SLC25A21: variants seen among roughly 807,000 people sequenced by gnomAD.
SLC25A21 encodes the protein mitochondrial 2-oxodicarboxylate carrier.
In SLC25A21, 47 loss-of-function variants were observed where a neutral mutation model predicts 43.8. That is an observed-to-expected ratio of 1.07 (90% CI 0.85 to 1.37). SLC25A21 has a LOEUF of 1.37. Among genes scored for constraint, SLC25A21 ranks in the 40% most tolerant of loss-of-function variants. The pLI is 0.00. For synonymous variants in SLC25A21, 131 were observed against 121.3 expected (o/e 1.08, Z -0.52); for missense variants, 352 against 350.2 (o/e 1.00, Z -0.04).
intron 1 of SLC25A21, among the ~76,000 whole-genome samples, chr14:37,058,076 C>T (rs560395498): frequency 1.3e-5 from 2 of 152,322 alleles, no homozygotes; most frequent in East Asian, 1.9e-4. Context: ...AGTAAAACTA[C>T]AGTCTATTGA....
intron 3 of SLC25A21, among the ~76,000 whole-genome samples, chr14:36,775,375 C>T (rs892096444): frequency 3.3e-5 from 5 of 152,170 alleles, no homozygotes; most frequent in Non-Finnish European, 7.3e-5. Context: ...GAAGTTTGTA[C>T]AGCCCTCCCG....
intron 5 of SLC25A21, among the ~76,000 whole-genome samples, chr14:36,728,157 A>G (rs1278891712): frequency 1.3e-5 from 2 of 152,192 alleles, no homozygotes; most frequent in Admixed American, 1.3e-4. Context: ...ACCAGGGGAC[A>G]TTTAACAGCT....
Position 36,679,283 on chromosome 14 carries a change from CTATG to C in SLC25A21, c.*1371_*1374del, listed in dbSNP as rs1370826632. 16 of 980,180 alleles carry C rather than the reference CTATG, an allele frequency of 1.6e-5. No homozygotes were observed. Among genetic ancestry groups the C allele is most frequent in the African/African-American group, 7.0e-5 (4 of 57,032 alleles). 60.7% of individuals were successfully genotyped at this position (980,180 alleles called of 1,614,324 possible). ...GTTGGAAAGGATGTACAACAGAAGG[CTATG>C]TATGTATATACAGTATGTCAAAAGC... is the stretch of plus-strand genomic sequence containing the variant. On this transcript the variant is annotated 3_prime_UTR_variant, in exon 10 of 10. Coordinates refer to ENST00000331299, the MANE Select transcript of SLC25A21 (RefSeq NM_030631.4).
rs1011013119 is a variant in SLC25A21, at chr14:36,678,688, A to G, written c.*1970T>C. On this transcript the variant is annotated 3_prime_UTR_variant, in exon 10 of 10. Coordinates refer to ENST00000331299, the MANE Select transcript of SLC25A21 (RefSeq NM_030631.4). The stretch of plus-strand genomic sequence containing the variant: ...ATTACTTGCTTGTGTGGAAATGCAA[A>G]TAATGTTATTTTCTTTATCTAAATT... The G allele has an allele frequency of 1.6e-6, 2 of 1,250,984 alleles. No homozygotes were observed. The highest frequency in any genetic ancestry group is 3.1e-5 in the African/African-American group (2 of 65,318). The allele number at this position is 1,250,984 out of a possible 1,614,324, so 77.5% of individuals were successfully genotyped here.
At chr14:36,728,081 T>C (rs570159418) in intron 5 of SLC25A21, among the ~76,000 whole-genome samples, 4 of 152,328 alleles carry the variant, frequency 2.6e-5, no homozygotes, top group Admixed American at 2.6e-4. Flanking sequence ...TCATGTTACG[T>C]AGGTTGTTCC....
At chr14:36,699,651 G>C (rs1373732311) in intron 7 of SLC25A21, among the ~76,000 whole-genome samples, 1 of 152,168 alleles carries the variant, frequency 6.6e-6, no homozygotes, top group African/African-American at 2.4e-5. Flanking sequence ...AAGCCTAAGC[G>C]ATGGTGGATG....
At chr14:36,832,258 AAT>A (rs374095770) in intron 2 of SLC25A21, among the ~76,000 whole-genome samples, 70 of 151,526 alleles carry the variant, frequency 4.6e-4, no homozygotes, top group Admixed American at 7.2e-4. Context: ...TCTACAAAAT[AAT>A]ATATATATAT....
chr14:37,141,571 A>G (rs1963570739), intron 1 of SLC25A21, among the ~76,000 whole-genome samples: 1 of 152,092 alleles, frequency 6.6e-6, no homozygotes, highest in Admixed American at 6.5e-5. Flanking sequence ...GTGTAACTTT[A>G]TCTCACACAT....
chr14:36,810,959 GGGT>G (rs1888238380), intron 3 of SLC25A21, among the ~76,000 whole-genome samples: 4 of 146,486 alleles, frequency 2.7e-5, no homozygotes, highest in African/African-American at 7.4e-5. Flanking sequence ...AGAGAAAAGA[GGGT>G]CAGGGAGGGT....
chr14:36,958,591 C>T lies in SLC25A21; in HGVS notation c.71-83587G>A, dbSNP rs535306831. ...TAGCCTTGTCCCCAGGTGTTGAGGC[C>T]TTACCCAGATATGGGAGACTGGCAA... On this transcript the variant is annotated intron_variant, in intron 1 of 9. Transcript: ENST00000331299. Among the ~76,000 whole-genome samples the T allele has an allele frequency of 2.0e-5, 3 of 152,178 alleles. No individual in the cohort carries two copies. In the South Asian group the frequency reaches 6.2e-4, roughly 32 times the overall value.
At chr14:36,994,323 A>G (rs943256726) in intron 1 of SLC25A21, among the ~76,000 whole-genome samples, 1 of 152,206 alleles carries the variant, frequency 6.6e-6, no homozygotes, top group African/African-American at 2.4e-5. Context: ...ACAGGACAAA[A>G]GGTATAGAAA....
intron 1 of SLC25A21, among the ~76,000 whole-genome samples, chr14:36,921,870 C>CA (rs1891988858): frequency 6.6e-6 from 1 of 152,136 alleles, no homozygotes; most frequent in South Asian, 2.1e-4. Flanking sequence ...ATAGGCCAGG[C>CA]ATGGTGGCTT....
rs1282813734 is a variant in SLC25A21, at chr14:37,161,443, A to G, written c.70+10838T>C. Among the ~76,000 whole-genome samples, 43 of 152,336 alleles carry G rather than the reference A, an allele frequency of 2.8e-4. 1 individual carries two copies. On this transcript the variant is annotated intron_variant, in intron 1 of 9. Transcript: ENST00000331299. ...GCTTGAGATATGGACCATAAATTTG[A>G]GAAACACAATATGAGAAAAATACAA...
At chr14:36,896,502 A>C (rs551898116) in intron 1 of SLC25A21, among the ~76,000 whole-genome samples, 116 of 152,270 alleles carry the variant, frequency 7.6e-4, no homozygotes, top group Non-Finnish European at 1.3e-3. Flanking sequence ...CCAATTTGCC[A>C]GTCTGTGTCT....
At chr14:36,688,039 C>A (rs1050501506) in intron 7 of SLC25A21, among the ~76,000 whole-genome samples, 1 of 152,178 alleles carries the variant, frequency 6.6e-6, no homozygotes, top group African/African-American at 2.4e-5. Context: ...CACTTCTACA[C>A]CCTACCCCGA....
intron 6 of SLC25A21, among the ~76,000 whole-genome samples, chr14:36,722,447 A>C (rs1198641105): frequency 6.6e-6 from 1 of 152,184 alleles, no homozygotes; most frequent in African/African-American, 2.4e-5. Flanking sequence ...TGATAATGAC[A>C]TGTTAATGTA....
chr14:36,825,515 A>G (rs2138469514), intron 2 of SLC25A21, among the ~76,000 whole-genome samples: 1 of 152,356 alleles, frequency 6.6e-6, no homozygotes, highest in Admixed American at 6.5e-5. Flanking sequence ...ATTAACAAAC[A>G]TTTAATAAAA....
chr14:37,068,900 C>T (rs1295448907), intron 1 of SLC25A21, among the ~76,000 whole-genome samples: 4 of 152,224 alleles, frequency 2.6e-5, no homozygotes, highest in East Asian at 1.9e-4. Flanking sequence ...CTTGGCCAGG[C>T]GCGGTGGCTC....
At position 36,849,687 on chromosome 14, in the gene SLC25A21, T is replaced by TA. The variant is rs561806358; in HGVS notation, c.119+25268_119+25269insT. Among the ~76,000 whole-genome samples the TA allele has an allele frequency of 5.2e-4, 79 of 152,286 alleles. 1 individual carries two copies. Among genetic ancestry groups the TA allele is most frequent in the African/African-American group, 1.7e-3 (71 of 41,568 alleles). On this transcript the variant is annotated intron_variant, in intron 2 of 9. Transcript: ENST00000331299. ...ATGCCATTTCTAAAGCTTGAAGCTG[T>TA]GCCAATATTTGAGACAGTCTATCTA...
Sources: gnomAD v4.1 joint callset for allele counts (sites outside exome capture counted in the v4.1 genomes callset) on GRCh38, gnomAD v4.1.1 for gene constraint, MANE v1.5 for transcripts, NCBI Gene and HGNC (gene_info 2026-07-23, HGNC 2026-07-21) for gene names.